Variants in FLI1 observed in about 807,000 individuals in gnomAD.
The protein encoded by FLI1 is Friend leukemia integration 1 transcription factor.
Under a neutral mutation model 53.1 loss-of-function variants are expected in FLI1, and 13 were observed. The ratio of observed to expected loss-of-function variants is 0.24; its 90% confidence interval spans 0.16 to 0.39. The LOEUF (loss-of-function observed/expected upper bound fraction) is 0.39, where lower values mean the gene tolerates loss of function less well. FLI1 is among the 10% of genes least tolerant of loss of function. FLI1 has a pLI of 1.00. For synonymous variants in FLI1, 244 were observed against 236.7 expected (o/e 1.03, Z -0.28); for missense variants, 424 against 600.5 (o/e 0.71, Z 3.07).
chr11:128,688,869 G>A (rs970227087), intron 1 of FLI1, among the ~76,000 whole-genome samples: 1 of 152,162 alleles, frequency 6.6e-6, no homozygotes, highest in African/African-American at 2.4e-5. Flanking sequence ...TGCTCTAAGC[G>A]TTGTGTCTGT....
intron 4 of FLI1, among the ~76,000 whole-genome samples, chr11:128,781,423 G>A (rs116484016): frequency 0.012 from 1,821 of 152,268 alleles, 32 homozygotes; most frequent in African/African-American, 0.042. Flanking sequence ...CATGGACAAA[G>A]CAAAACAAAA....
chr11:128,696,864 G>A (rs1362408600), intron 1 of FLI1, among the ~76,000 whole-genome samples: 2 of 152,202 alleles, frequency 1.3e-5, no homozygotes, highest in Non-Finnish European at 2.9e-5. Context: ...TTTGGTGCAG[G>A]AAGCCAGGGA....
At chr11:128,784,220 T>TCTCCTCCTCCTCCTCCTC (rs61050928) in intron 5 of FLI1, among the ~76,000 whole-genome samples, 16 of 117,988 alleles carry the variant, frequency 1.4e-4, no homozygotes, top group South Asian at 9.2e-4. Flanking sequence ...TTGCTAACCA[T>TCTCCTCCTCCTCCTCCTC]CTCCTCCTCC....
At chr11:128,740,293 C>T (rs138571629) in intron 1 of FLI1, among the ~76,000 whole-genome samples, 44 of 152,328 alleles carry the variant, frequency 2.9e-4, no homozygotes, top group African/African-American at 9.9e-4. Context: ...AATGTTGTCA[C>T]GACAAATTAT....
intron 1 of FLI1, among the ~76,000 whole-genome samples, chr11:128,740,754 T>C (rs1940098797): frequency 6.6e-6 from 1 of 152,232 alleles, no homozygotes; most frequent in African/African-American, 2.4e-5. Flanking sequence ...ATTAGTATTA[T>C]AGGGTCCTCC....
intron 1 of FLI1, among the ~76,000 whole-genome samples, chr11:128,703,573 G>A (rs1938425795): frequency 6.6e-6 from 1 of 152,096 alleles, no homozygotes; most frequent in Non-Finnish European, 1.5e-5. Flanking sequence ...GGCCGGGCAC[G>A]GTGGCTCACT....
intron 5 of FLI1, among the ~76,000 whole-genome samples, chr11:128,787,477 T>G (rs1019957989): frequency 3.9e-5 from 6 of 152,268 alleles, no homozygotes; most frequent in African/African-American, 1.4e-4. Flanking sequence ...TGACAACATC[T>G]TAAGGATTCT....
chr11:128,757,044 T>TTTTCTTTC (rs147249846), intron 1 of FLI1, among the ~76,000 whole-genome samples: 11,470 of 106,918 alleles, frequency 0.11, 851 homozygotes, highest in Admixed American at 0.15. Context: ...CTAGCTAATT[T>TTTTCTTTC]TTTCTTTCTT....
intron 5 of FLI1, among the ~76,000 whole-genome samples, chr11:128,802,213 A>G (rs1482538414): frequency 2.0e-5 from 3 of 152,190 alleles, no homozygotes; most frequent in Admixed American, 6.5e-5. Flanking sequence ...GGCCTTCTGC[A>G]TCTTCATGCT....
chr11:128,778,778 G>T (rs1941822003), intron 4 of FLI1, among the ~76,000 whole-genome samples: 1 of 152,226 alleles, frequency 6.6e-6, no homozygotes, highest in Admixed American at 6.5e-5. Context: ...CTGTGGCAGG[G>T]TCAGGCCAGA....
At chr11:128,726,744 G>A (rs563402718) in intron 1 of FLI1, among the ~76,000 whole-genome samples, 4 of 152,300 alleles carry the variant, frequency 2.6e-5, no homozygotes, top group Admixed American at 6.5e-5. Context: ...TTTGCCCATA[G>A]GTGCAGCTTA....
chr11:128,694,154 G>A lies in FLI1; in HGVS notation c.-105G>A, dbSNP rs1209034165. On this transcript the variant is annotated 5_prime_UTR_variant, in exon 1 of 9. Transcript: ENST00000527786. ...CAGGGGGCACGCAGGGAGGGCCCAG[G>A]GCGCCAGGGAGGCCGCGCCGGGCTA... is the stretch of plus-strand genomic sequence containing the variant. The A allele has an allele frequency of 3.1e-6, 4 of 1,300,586 alleles. No homozygotes were observed. In the African/African-American group the frequency reaches 4.6e-5, roughly 15 times the overall value. 80.6% of individuals were successfully genotyped at this position (1,300,586 alleles called of 1,614,324 possible). A position where few individuals can be genotyped will look rare whatever the true frequency, so the allele number is the denominator to read the frequency against.
intron 4 of FLI1, among the ~76,000 whole-genome samples, chr11:128,776,264 C>T (rs986709016): frequency 3.3e-5 from 5 of 152,136 alleles, no homozygotes; most frequent in Non-Finnish European, 7.4e-5. Context: ...CTGTGTCACA[C>T]GCCACACAGG....
At chr11:128,725,368 A>T (rs754639367) in intron 1 of FLI1, among the ~76,000 whole-genome samples, 37 of 152,142 alleles carry the variant, frequency 2.4e-4, no homozygotes, top group Non-Finnish European at 4.4e-4. Context: ...TTCAAGCAGG[A>T]CATAAGGCGG....
intron 5 of FLI1, among the ~76,000 whole-genome samples, chr11:128,785,318 GC>G (rs1942047504): frequency 6.6e-6 from 1 of 151,994 alleles, no homozygotes; most frequent in East Asian, 1.9e-4. Context: ...ACCTCCACAT[GC>G]TTTGCTTTGG....
rs59458563 is a variant in FLI1 at position 128,766,010 on chromosome 11, G to A, written c.231-2108G>A. Among the ~76,000 whole-genome samples the A allele has an allele frequency of 8.5e-3, 1,295 of 152,320 alleles. 21 individuals carry two copies. Among genetic ancestry groups the A allele is most frequent in the African/African-American group, 0.029 (1,213 of 41,550 alleles). ...TCCATGCATGGGAGTAAGCATATGT[G>A]TGCACGTGTTCTCTGTTGAAGTATG... On this transcript the variant is annotated intron_variant, in intron 2 of 8. Transcript: ENST00000527786.
chr11:128,714,779 G>T (rs1166887514), intron 1 of FLI1, among the ~76,000 whole-genome samples: 3 of 141,048 alleles, frequency 2.1e-5, no homozygotes, highest in Non-Finnish European at 1.5e-5. Context: ...TGTAATCTCA[G>T]CTCACAGCAA....
chr11:128,708,079 G>C (rs1938628449), intron 1 of FLI1, among the ~76,000 whole-genome samples: 1 of 152,232 alleles, frequency 6.6e-6, no homozygotes. Flanking sequence ...GAGAGACACA[G>C]CCTCAGTGAA....
chr11:128,784,609 T>G (rs1028616218), intron 5 of FLI1, among the ~76,000 whole-genome samples: 1 of 152,296 alleles, frequency 6.6e-6, no homozygotes, highest in East Asian at 1.9e-4. Flanking sequence ...TGCCTTCCCC[T>G]TGTGAGGTGG....
Sources: gnomAD v4.1 joint callset for allele counts (sites outside exome capture counted in the v4.1 genomes callset) on GRCh38, gnomAD v4.1.1 for gene constraint, MANE v1.5 for transcripts, NCBI Gene and HGNC (gene_info 2026-07-23, HGNC 2026-07-21) for gene names.